Variants in PRR14L observed in about 807,000 individuals in gnomAD.
The protein encoded by PRR14L is proline rich 14 like.
In PRR14L, 80 loss-of-function variants were observed where a neutral mutation model predicts 155.0. The observed-to-expected ratio is 0.52, with a 90% confidence interval of 0.43 to 0.62. The LOEUF (loss-of-function observed/expected upper bound fraction) is 0.62, where lower values mean the gene tolerates loss of function less well. Ranked by LOEUF, PRR14L falls within the 20% of genes least tolerant of loss-of-function variation. PRR14L has a pLI of 0.00. For synonymous variants in PRR14L, 883 were observed against 916.0 expected (o/e 0.96, Z 0.65); for missense variants, 2,469 against 2,548.0 (o/e 0.97, Z 0.67).
At chr22:31,694,659 G>C (rs972063452) in intron 7 of PRR14L, among the ~76,000 whole-genome samples, 1 of 151,984 alleles carries the variant, frequency 6.6e-6, no homozygotes, top group Non-Finnish European at 1.5e-5. Context: ...GGCTGAGGCA[G>C]GAGAATGGCG....
At chr22:31,726,012 A>G (rs939134074) in intron 2 of PRR14L, among the ~76,000 whole-genome samples, 2 of 152,068 alleles carry the variant, frequency 1.3e-5, no homozygotes, top group Admixed American at 6.6e-5. Flanking sequence ...ACTTTGGGAA[A>G]TTAGCTAGCA....
chr22:31,714,497 A>G lies in PRR14L; in HGVS notation c.3342T>C (p.Asp1114=). The change falls in exon 4 of 9, where the codon GAT becomes GAC. Residue 1114 remains aspartate, a synonymous_variant. Transcript: ENST00000327423. ...CTGTAGAAGCAGCAGTAACTGGGAA[A>G]TCTGAATCCTGACCAGTTGTTCCTG... ...AHTGTTGQDS[D]FPVTAASTVD... 6.4e-7 allele frequency: 1 copy of G among 1,552,128 alleles called. No individual in the cohort carries two copies. Among genetic ancestry groups the G allele is most frequent in the Non-Finnish European group, 8.7e-7 (1 of 1,147,084 alleles).
intron 2 of PRR14L, among the ~76,000 whole-genome samples, chr22:31,733,524 C>T (rs990694699): frequency 6.6e-6 from 1 of 152,010 alleles, no homozygotes; most frequent in Non-Finnish European, 1.5e-5. Flanking sequence ...AGGCTGGTCT[C>T]GAACTCCTGA....
At chr22:31,685,865 G>C in intron 8 of PRR14L, 62 bp from the exon 9 acceptor site, 1 of 1,465,724 alleles carries the variant, frequency 6.8e-7, no homozygotes, top group African/African-American at 1.4e-5. Flanking sequence ...CCTGTCAACA[G>C]GGTCAGGATG....
At chr22:31,740,824 G>A (rs1281166991) in intron 1 of PRR14L, among the ~76,000 whole-genome samples, 1 of 152,166 alleles carries the variant, frequency 6.6e-6, no homozygotes, top group Non-Finnish European at 1.5e-5. Context: ...AGGTAACACA[G>A]AAAGGCGAAT....
At position 31,712,537 on chromosome 22, in the gene PRR14L, A is replaced by G; in HGVS notation, c.5302T>C (p.Leu1768=). Residue 1768 remains leucine (L), a synonymous_variant, in exon 4 of 9, where the codon TTG becomes CTG. Coordinates refer to ENST00000327423, the MANE Select transcript of PRR14L (RefSeq NM_173566.3). ...QPPKWTFSFF[L]SHGCPGMATF... The stretch of plus-strand genomic sequence containing the variant: ...GCCATCCCAGGGCAACCGTGGGACA[A>G]GAAGAAAGAAAAGGTCCACTTGGGA... 4 of 1,551,478 alleles carry G rather than the reference A, an allele frequency of 2.6e-6. No homozygotes were observed. The highest frequency in any genetic ancestry group is 2.4e-5 in the South Asian group (2 of 83,822).
chr22:31,711,398 G>T (rs1408575023), intron 4 of PRR14L, among the ~76,000 whole-genome samples: 1 of 152,148 alleles, frequency 6.6e-6, no homozygotes, highest in East Asian at 1.9e-4. Context: ...TTGAATCCGG[G>T]AGGCAGAAGT....
chr22:31,698,909 G>A (rs549298111), intron 7 of PRR14L, among the ~76,000 whole-genome samples: 67 of 151,060 alleles, frequency 4.4e-4, no homozygotes, highest in Non-Finnish European at 7.4e-4. Context: ...GCAACAGAGC[G>A]AGACTGTGTA....
At position 31,732,796 on chromosome 22, in the gene PRR14L, T is replaced by C. The variant is rs540015276; in HGVS notation, c.474+5591A>G. Among the ~76,000 whole-genome samples the C allele has an allele frequency of 3.1e-4, 47 of 152,304 alleles. No homozygotes were observed. In the South Asian group the frequency reaches 9.3e-3, roughly 30 times the overall value. ...CCTGACACACCTGGAAATCACTCCATATCAGTATATAGAGATCTTCCTTGT... is the reference window on the plus strand; with the variant it reads ...CCTGACACACCTGGAAATCACTCCACATCAGTATATAGAGATCTTCCTTGT... On this transcript the variant is annotated intron_variant, in intron 2 of 8. Coordinates refer to ENST00000327423, the MANE Select transcript of PRR14L (RefSeq NM_173566.3).
intron 5 of PRR14L, chr22:31,704,368 T>A (rs2074578679): frequency 3.7e-6 from 1 of 270,048 alleles, no homozygotes; most frequent in Admixed American, 5.1e-5. Context: ...TGAAGTTGGC[T>A]GTTAAGACAT....
chr22:31,742,841 TA>T (rs1422630404), intron 1 of PRR14L, among the ~76,000 whole-genome samples: 12 of 152,106 alleles, frequency 7.9e-5, no homozygotes, highest in Non-Finnish European at 1.3e-4. Flanking sequence ...GATGAATGGA[TA>T]AACAAAATGT....
chr22:31,750,121 C>A lies in PRR14L; in HGVS notation c.-180G>T, dbSNP rs559942329. On this transcript the variant is annotated 5_prime_UTR_variant, in exon 1 of 9. In the 5' UTR this introduces an upstream ATG that the reference lacks. Coordinates refer to ENST00000327423, the MANE Select transcript of PRR14L (RefSeq NM_173566.3). ...CCGGGGGCGCTCCGGCCGCCGCCACCTCTTCGTCTCTATGGTCCCCCTGCA... is the reference window on the plus strand; with the variant it reads ...CCGGGGGCGCTCCGGCCGCCGCCACATCTTCGTCTCTATGGTCCCCCTGCA... 163 of 152,672 alleles carry A rather than the reference C, an allele frequency of 1.1e-3. 10 individuals are homozygous for A. The South Asian group carries it at 0.033, about 31-fold the overall frequency. The allele number at this position is 152,672 out of a possible 1,614,324, so 9.5% of individuals were successfully genotyped here.
chr22:31,719,160 T>C (rs2074677067), intron 3 of PRR14L, among the ~76,000 whole-genome samples: 1 of 152,050 alleles, frequency 6.6e-6, no homozygotes, highest in South Asian at 2.1e-4. Context: ...CCCAGCACTT[T>C]GGGAGGCTGA....
intron 1 of PRR14L, among the ~76,000 whole-genome samples, chr22:31,743,795 C>T (rs2074824506): frequency 6.7e-6 from 1 of 150,236 alleles, no homozygotes; most frequent in Admixed American, 6.7e-5. Flanking sequence ...CAGTGAGACC[C>T]TGCCTCGAAA....
At chr22:31,691,248 T>A (rs1601491420) in intron 7 of PRR14L, among the ~76,000 whole-genome samples, 1 of 152,162 alleles carries the variant, frequency 6.6e-6, no homozygotes, top group South Asian at 2.1e-4. Context: ...ATCACAGGCA[T>A]GTCGGGCTAA....
At position 31,681,999 on chromosome 22, in the gene PRR14L, C is replaced by G. The variant is rs1232212414; in HGVS notation, c.*3528G>C. On this transcript the variant is annotated 3_prime_UTR_variant, in exon 9 of 9. Coordinates refer to ENST00000327423, the MANE Select transcript of PRR14L (RefSeq NM_173566.3). The stretch of plus-strand genomic sequence containing the variant: ...GCACCAACTGCATACTCCCCCCACC[C>G]CAGGGAATGGGAGAAAAGTATCACT... 6.6e-6 allele frequency: 1 copy of G among 152,206 alleles called. No homozygotes were observed. The highest frequency in any genetic ancestry group is 1.5e-5 in the Non-Finnish European group (1 of 68,042). The allele number at this position is 152,206 out of a possible 1,614,324, so 9.4% of individuals were successfully genotyped here. A position where few individuals can be genotyped will look rare whatever the true frequency, so the allele number is the denominator to read the frequency against.
Position 31,716,486 on chromosome 22 carries a change from G to C in PRR14L, c.1353C>G (p.Leu451=), listed in dbSNP as rs1186932716. The C allele has an allele frequency of 1.9e-6, 3 of 1,549,702 alleles. No individual in the cohort carries two copies. Among genetic ancestry groups the C allele is most frequent in the Admixed American group, 4.0e-5 (2 of 50,560 alleles). Reference sequence around the variant, plus strand: ...TTAAAGAACTAGAGTTCCCTGTATGGAGACTGTCTTGAATGCAGTTATTGT... The same window carrying C: ...TTAAAGAACTAGAGTTCCCTGTATGCAGACTGTCTTGAATGCAGTTATTGT... ...NIHNNCIQDS[L]HTGNSSSLMP... The change falls in exon 4 of 9, where the codon CTC becomes CTG. Residue 451 remains leucine, a synonymous_variant. Coordinates refer to ENST00000327423, the MANE Select transcript of PRR14L (RefSeq NM_173566.3).
chr22:31,718,129 T>C (rs1376679401), intron 3 of PRR14L, among the ~76,000 whole-genome samples: 2 of 151,988 alleles, frequency 1.3e-5, no homozygotes, highest in Non-Finnish European at 2.9e-5. Context: ...AGTTTCACCA[T>C]GTTGGCCAGG....
chr22:31,728,264 C>CTTT (rs545122227), intron 2 of PRR14L, among the ~76,000 whole-genome samples: 280 of 152,198 alleles, frequency 1.8e-3, no homozygotes, highest in Non-Finnish European at 2.6e-3. Flanking sequence ...ATGCAATTTC[C>CTTT]TTTTTCTACA....
Sources: gnomAD v4.1 joint callset for allele counts (sites outside exome capture counted in the v4.1 genomes callset) on GRCh38, gnomAD v4.1.1 for gene constraint, MANE v1.5 for transcripts, NCBI Gene and HGNC (gene_info 2026-07-23, HGNC 2026-07-21) for gene names.